CHST11: variants seen among roughly 807,000 people sequenced by gnomAD.
CHST11 encodes the protein C4S-1.
In CHST11, 9 loss-of-function variants were observed where a neutral mutation model predicts 30.4. The observed-to-expected ratio is 0.30, with a 90% CI of 0.18 to 0.52. The LOEUF is 0.52. CHST11 is among the 20% of genes least tolerant of loss of function. The probability of loss-of-function intolerance (pLI) is 0.97; values close to 1 mark genes in which losing one functional copy is unlikely to be tolerated. For synonymous variants in CHST11, 152 were observed against 187.8 expected (o/e 0.81, Z 1.56); for missense variants, 348 against 460.6 (o/e 0.76, Z 2.24).
At chr12:104,564,668 A>G (rs1040940015) in intron 1 of CHST11, among the ~76,000 whole-genome samples, 2 of 152,246 alleles carry the variant, frequency 1.3e-5, no homozygotes, top group African/African-American at 4.8e-5. Context: ...GCCTAAGGAT[A>G]GAATTGTCCA....
chr12:104,688,275 T>A (rs1192104928), intron 2 of CHST11, among the ~76,000 whole-genome samples: 1 of 152,150 alleles, frequency 6.6e-6, no homozygotes, highest in Non-Finnish European at 1.5e-5. Context: ...CTTGTTCTGA[T>A]CCTTGATCAC....
At chr12:104,491,850 C>A (rs2037750270) in intron 1 of CHST11, among the ~76,000 whole-genome samples, 1 of 152,142 alleles carries the variant, frequency 6.6e-6, no homozygotes, top group Non-Finnish European at 1.5e-5. Flanking sequence ...CTGGGGCCCA[C>A]AAGACTCTTC....
chr12:104,544,239 C>G (rs1026675943), intron 1 of CHST11, among the ~76,000 whole-genome samples: 1 of 151,798 alleles, frequency 6.6e-6, no homozygotes, highest in Non-Finnish European at 1.5e-5. Context: ...AACCTTCTGG[C>G]TCTAAAGAAA....
intron 2 of CHST11, among the ~76,000 whole-genome samples, chr12:104,688,496 G>A (rs975486155): frequency 2.0e-5 from 3 of 152,178 alleles, no homozygotes; most frequent in Middle Eastern, 3.2e-3. Flanking sequence ...CTAGATTGAC[G>A]TATTGGGAAG....
Position 104,760,234 on chromosome 12 carries a change from C to T in CHST11, c.*2431C>T, listed in dbSNP as rs2040512341. ...TATCTGAGGTCTTCAAGGATAAAAA[C>T]TGCCACCCCAACACCCTTCCATTAA... On this transcript the variant is annotated 3_prime_UTR_variant, in exon 3 of 3. Transcript: ENST00000303694. The T allele has an allele frequency of 6.9e-6, 1 of 143,910 alleles. No homozygotes were observed. 8.9% of individuals were successfully genotyped at this position (143,910 alleles called of 1,614,324 possible). A position where few individuals can be genotyped will look rare whatever the true frequency, so the allele number is the denominator to read the frequency against.
intron 1 of CHST11, among the ~76,000 whole-genome samples, chr12:104,541,352 G>T (rs1216650216): frequency 2.0e-5 from 3 of 151,904 alleles, no homozygotes; most frequent in Non-Finnish European, 1.5e-5. Context: ...ATCCCTTTTG[G>T]GGGTATTTCT....
At chr12:104,497,362 C>T (rs965916696) in intron 1 of CHST11, among the ~76,000 whole-genome samples, 1 of 152,192 alleles carries the variant, frequency 6.6e-6, no homozygotes, top group Non-Finnish European at 1.5e-5. Flanking sequence ...CATGGGAGGA[C>T]ACGGCAAGAT....
intron 2 of CHST11, among the ~76,000 whole-genome samples, chr12:104,756,738 G>C (rs948485621): frequency 1.3e-5 from 2 of 152,060 alleles, no homozygotes; most frequent in African/African-American, 4.8e-5. Flanking sequence ...TTAGAGATGA[G>C]GTCTCACTAT....
intron 1 of CHST11, among the ~76,000 whole-genome samples, chr12:104,506,052 T>G (rs192455462): frequency 8.7e-4 from 132 of 152,366 alleles, no homozygotes; most frequent in Admixed American, 3.2e-3. Flanking sequence ...CAAGTCATTC[T>G]TCAAATTCTG....
In CHST11 at chr12:104,706,458, A is replaced by AGAGG. The variant is rs574385824; in HGVS notation, c.205-50487_205-50484dup. 4.4e-3 allele frequency among the ~76,000 whole-genome samples: 653 copies of AGAGG among 149,550 alleles called. 4 individuals carry two copies. The highest frequency in any genetic ancestry group is 0.014 in the African/African-American group (581 of 40,856). ...GGTGGGTGGGTGGGTGAGTGGATGG[A>AGAGG]GAGGGAGAGAGAGAGAGAGAGAGAG... On this transcript the variant is annotated intron_variant, in intron 2 of 2. Transcript: ENST00000303694.
intron 1 of CHST11, among the ~76,000 whole-genome samples, chr12:104,544,769 T>TCCCCC (rs199741884): frequency 1.9e-5 from 1 of 51,462 alleles, no homozygotes; most frequent in African/African-American, 5.3e-5. Context: ...GGGGTCACAG[T>TCCCCC]CCCCCCACCC....
intron 1 of CHST11, among the ~76,000 whole-genome samples, chr12:104,556,987 A>G (rs2038463501): frequency 2.0e-5 from 3 of 152,162 alleles, no homozygotes; most frequent in South Asian, 2.1e-4. Flanking sequence ...TCTCAAAAAA[A>G]AAAAAAAAAA....
At chr12:104,665,864 G>T (rs890766591) in intron 2 of CHST11, among the ~76,000 whole-genome samples, 18 of 120,792 alleles carry the variant, frequency 1.5e-4, no homozygotes, top group African/African-American at 5.7e-4. Context: ...TCTGTCACCA[G>T]GCTGGACCGC....
chr12:104,704,437 C>G (rs552250558), intron 2 of CHST11, among the ~76,000 whole-genome samples: 38 of 152,238 alleles, frequency 2.5e-4, no homozygotes, highest in African/African-American at 8.9e-4. Flanking sequence ...TTGTGTTGGG[C>G]TCTCCCCGCC....
At chr12:104,746,979 C>A (rs918908365) in intron 2 of CHST11, among the ~76,000 whole-genome samples, 2 of 152,298 alleles carry the variant, frequency 1.3e-5, no homozygotes, top group East Asian at 3.9e-4. Flanking sequence ...GAAACTGGCC[C>A]AAGATCATAT....
chr12:104,601,978 A>G lies in CHST11; in HGVS notation c.191A>G (p.Tyr64Cys), dbSNP rs1723398428. 8.7e-6 allele frequency: 14 copies of G among 1,613,262 alleles called. No individual in the cohort carries two copies. Among genetic ancestry groups the G allele is most frequent in the Non-Finnish European group, 1.2e-5 (14 of 1,179,768 alleles). Residue 64 changes from tyrosine (Y) to cysteine (C), a missense_variant, in exon 2 of 3, where the codon TAC (tyrosine) becomes TGC (cysteine). This residue lies in a region of CHST11 where 135 missense variants were observed against 155.8 expected (regional missense o/e 0.87). Transcript: ENST00000303694. ...TCCCGAAGCCCCCTGCAGGAACTCT[A>G]CAACCCAATCCAGGTAAGCTTCAAG... is the stretch of plus-strand genomic sequence containing the variant. Reference protein sequence around the residue: ...KGSRSPLQELYNPIQLELSNT... With the variant: ...KGSRSPLQELCNPIQLELSNT...
chr12:104,604,328 C>G (rs2038983436), intron 2 of CHST11, among the ~76,000 whole-genome samples: 1 of 152,252 alleles, frequency 6.6e-6, no homozygotes, highest in African/African-American at 2.4e-5. Flanking sequence ...CCCTCAAGGA[C>G]GTCTTGGGCA....
At chr12:104,494,787 A>T (rs1367761247) in intron 1 of CHST11, among the ~76,000 whole-genome samples, 6 of 152,188 alleles carry the variant, frequency 3.9e-5, no homozygotes, top group Non-Finnish European at 8.8e-5. Flanking sequence ...GTAGATTTTT[A>T]AAAATAATTT....
At chr12:104,666,580 G>A (rs915984408) in intron 2 of CHST11, among the ~76,000 whole-genome samples, 1 of 152,166 alleles carries the variant, frequency 6.6e-6, no homozygotes, top group Non-Finnish European at 1.5e-5. Context: ...AGAATAAAAT[G>A]GGATGGAATA....
Sources: allele counts gnomAD v4.1 joint callset (sites outside exome capture counted in the v4.1 genomes callset), GRCh38; gene constraint gnomAD v4.1.1; regional missense constraint gnomAD v4.1.1; transcripts MANE v1.5; gene names NCBI Gene and HGNC (gene_info 2026-07-23, HGNC 2026-07-21).